COL21A1: variants seen among roughly 807,000 people sequenced by gnomAD.
COL21A1 encodes the protein collagen type XXI alpha 1 chain, also known as collagen alpha-1(XXI) chain.
COL21A1 carries 149 observed loss-of-function variants against 137.9 expected under a neutral mutation model. That is an observed-to-expected ratio of 1.08 (90% CI 0.95 to 1.24). The LOEUF is 1.24. Ranked by LOEUF, COL21A1 falls within the 50% of genes most tolerant of loss-of-function variation. The pLI is 0.00. For missense variants in COL21A1, 1,167 were observed against 1,158.4 expected (o/e 1.01, Z -0.11); for synonymous variants, 456 against 391.5 (o/e 1.16, Z -1.95).
intron 1 of COL21A1, among the ~76,000 whole-genome samples, chr6:56,222,328 C>G (rs1582676428): frequency 6.6e-6 from 1 of 152,042 alleles, no homozygotes; most frequent in Non-Finnish European, 1.5e-5. Context: ...TTACAGGCAA[C>G]TAATTGTAAA....
intron 1 of COL21A1, among the ~76,000 whole-genome samples, chr6:56,305,729 T>G (rs1764429759): frequency 6.6e-6 from 1 of 152,124 alleles, no homozygotes; most frequent in Non-Finnish European, 1.5e-5. Context: ...ATTTAGTCCA[T>G]TTACATTTAA....
intron 17 of COL21A1, among the ~76,000 whole-genome samples, chr6:56,097,137 A>C (rs1487556923): frequency 2.0e-5 from 3 of 152,174 alleles, no homozygotes; most frequent in Admixed American, 1.3e-4. Flanking sequence ...TCCTAACAGG[A>C]TGCATTTCCT....
chr6:56,219,061 C>A (rs1456712404), intron 1 of COL21A1, among the ~76,000 whole-genome samples: 2 of 151,866 alleles, frequency 1.3e-5, no homozygotes, highest in Non-Finnish European at 2.9e-5. Context: ...TTTGAAGTGT[C>A]ATCTCCTATT....
intron 16 of COL21A1, among the ~76,000 whole-genome samples, chr6:56,123,500 T>C (rs1192273176): frequency 6.6e-6 from 1 of 152,184 alleles, no homozygotes; most frequent in African/African-American, 2.4e-5. Context: ...GTCCAATGAT[T>C]GACCAAATGG....
intron 1 of COL21A1, among the ~76,000 whole-genome samples, chr6:56,238,908 C>G (rs961400232): frequency 2.0e-5 from 3 of 152,138 alleles, no homozygotes; most frequent in Non-Finnish European, 2.9e-5. Context: ...TCTGCCAGCC[C>G]TTATGCCAAA....
At chr6:56,069,646 G>C (rs1281140273) in intron 21 of COL21A1, among the ~76,000 whole-genome samples, 1 of 149,164 alleles carries the variant, frequency 6.7e-6, no homozygotes, top group Non-Finnish European at 1.5e-5. Flanking sequence ...TTAATAAAAT[G>C]TGCTCATATA....
intron 1 of COL21A1, among the ~76,000 whole-genome samples, chr6:56,219,802 C>CT (rs1480148600): frequency 3.9e-5 from 6 of 152,052 alleles, no homozygotes; most frequent in Non-Finnish European, 7.4e-5. Flanking sequence ...GCCCATCTAT[C>CT]CACTGACTTA....
At chr6:56,273,409 A>G (rs1208674511) in intron 1 of COL21A1, among the ~76,000 whole-genome samples, 25 of 152,210 alleles carry the variant, frequency 1.6e-4, no homozygotes, top group Admixed American at 1.2e-3. Flanking sequence ...AGATGCATGC[A>G]TTCATATAAA....
chr6:56,127,002 C>T (rs922705133), intron 12 of COL21A1, among the ~76,000 whole-genome samples: 1 of 152,102 alleles, frequency 6.6e-6, no homozygotes, highest in Non-Finnish European at 1.5e-5. Context: ...TTATAGAACC[C>T]TCCAAAGGCA....
intron 1 of COL21A1, among the ~76,000 whole-genome samples, chr6:56,311,649 AAAAT>A (rs1382693451): frequency 2.0e-5 from 3 of 152,192 alleles, no homozygotes; most frequent in African/African-American, 7.2e-5. Context: ...TATTTCTGTA[AAAAT>A]AAATAGTTAC....
At chr6:56,379,898 G>A (rs775653300) in intron 1 of COL21A1, among the ~76,000 whole-genome samples, 14 of 152,094 alleles carry the variant, frequency 9.2e-5, no homozygotes, top group Non-Finnish European at 5.9e-5. Flanking sequence ...TTATGAGGGA[G>A]GTTGAGCATC....
At chr6:56,239,562 T>A (rs1034855011) in intron 1 of COL21A1, among the ~76,000 whole-genome samples, 24 of 152,162 alleles carry the variant, frequency 1.6e-4, no homozygotes, top group African/African-American at 5.5e-4. Flanking sequence ...AATTCAAATT[T>A]AAAATTTTTT....
chr6:56,075,473 A>G lies in COL21A1; in HGVS notation c.1911+6T>C. 2 of 1,537,086 alleles carry G rather than the reference A, an allele frequency of 1.3e-6. No homozygotes were observed. The highest frequency in any genetic ancestry group is 1.8e-6 in the Non-Finnish European group (2 of 1,140,386). ...TTGATGTATGATGATAATGACATCA[A>G]CATACAGGCATCCCTGGGGCTCCTT... On this transcript the variant is annotated splice_donor_region_variant and intron_variant, in intron 19 of 29. Coordinates refer to ENST00000244728, the MANE Select transcript of COL21A1 (RefSeq NM_030820.4).
At chr6:56,236,626 G>C (rs759929683) in intron 1 of COL21A1, among the ~76,000 whole-genome samples, 1 of 152,096 alleles carries the variant, frequency 6.6e-6, no homozygotes, top group South Asian at 2.1e-4. Context: ...AAAAACAGAT[G>C]ATATCTTCCA....
rs568415385 is a variant in COL21A1, at chr6:56,210,489, G to T, written c.-38-27833C>A. Among the ~76,000 whole-genome samples the T allele has an allele frequency of 3.3e-5, 5 of 152,160 alleles. No individual in the cohort carries two copies. In the South Asian group the frequency reaches 8.3e-4, roughly 25 times the overall value. The stretch of plus-strand genomic sequence containing the variant: ...AAATTCATGTTTTTCAACCCCTAAT[G>T]AATAATAAATCTAGGCAAGGACTAC... On this transcript the variant is annotated intron_variant, in intron 1 of 29. Transcript: ENST00000244728.
chr6:56,259,467 C>T (rs1763195041), intron 1 of COL21A1, among the ~76,000 whole-genome samples: 1 of 152,224 alleles, frequency 6.6e-6, no homozygotes, highest in African/African-American at 2.4e-5. Context: ...ACCATAGCTT[C>T]CCTTGGCTGC....
At chr6:56,072,682 T>G (rs952534098) in intron 20 of COL21A1, among the ~76,000 whole-genome samples, 1 of 151,510 alleles carries the variant, frequency 6.6e-6, no homozygotes, top group African/African-American at 2.4e-5. Context: ...TGGCCAATTT[T>G]GCACTATAAT....
At chr6:56,091,928 C>T (rs1372860342) in intron 17 of COL21A1, among the ~76,000 whole-genome samples, 5 of 152,090 alleles carry the variant, frequency 3.3e-5, no homozygotes, top group African/African-American at 9.7e-5. Context: ...GCTCTGTCCT[C>T]ACCATCCACC....
At chr6:56,194,110 C>G (rs1023746779) in intron 1 of COL21A1, among the ~76,000 whole-genome samples, 8 of 152,128 alleles carry the variant, frequency 5.3e-5, no homozygotes, top group African/African-American at 1.9e-4. Flanking sequence ...AAATTTTCAC[C>G]ACCTTTCTTC....
Sources: gnomAD v4.1 joint callset for allele counts (sites outside exome capture counted in the v4.1 genomes callset) on GRCh38, gnomAD v4.1.1 for gene constraint, MANE v1.5 for transcripts, NCBI Gene and HGNC (gene_info 2026-07-23, HGNC 2026-07-21) for gene names.